The following CHUK variants were observed in gnomAD, a reference collection of about 807,000 sequenced individuals.
CHUK encodes the protein inhibitor of nuclear factor kappa-B kinase subunit alpha.
CHUK carries 35 observed loss-of-function variants against 104.8 expected under a neutral mutation model. The observed-to-expected ratio is 0.33, with a 90% CI of 0.26 to 0.44. CHUK has a LOEUF of 0.44. Among genes scored for constraint, CHUK ranks in the 20% least tolerant of loss-of-function variants. The probability of loss-of-function intolerance (pLI) is 1.00; values close to 1 mark genes in which losing one functional copy is unlikely to be tolerated. For missense variants in CHUK, 663 were observed against 902.7 expected, an observed-to-expected ratio of 0.73 and a Z score of 3.40; for synonymous variants, 276 against 291.9, an observed-to-expected ratio of 0.95 and a Z score of 0.56.
intron 17 of CHUK, 91 bp from the exon 18 acceptor site, chr10:100,194,222 T>C: frequency 7.1e-7 from 1 of 1,409,090 alleles, no homozygotes; most frequent in South Asian, 1.2e-5. Flanking sequence ...TGAACCACAA[T>C]CAGCATCAGA....
chr10:100,226,093 T>G, intron 1 of CHUK, 76 bp from the exon 2 acceptor site: 1 of 879,082 alleles, frequency 1.1e-6, no homozygotes, highest in South Asian at 1.4e-5. Flanking sequence ...AGAAATAACT[T>G]AAGACAACAA....
At chr10:100,212,617 A>C (rs1454665460) in intron 9 of CHUK, among the ~76,000 whole-genome samples, 1 of 152,046 alleles carries the variant, frequency 6.6e-6, no homozygotes, top group Admixed American at 6.6e-5. Flanking sequence ...TTTGTTGATT[A>C]TTTTTTCTAC....
intron 9 of CHUK, among the ~76,000 whole-genome samples, chr10:100,210,091 A>ATTTATTTATTTATTTTT (rs58570772): frequency 1.6e-5 from 2 of 121,830 alleles, no homozygotes; most frequent in Admixed American, 1.6e-4. Context: ...TTATTTATTT[A>ATTTATTTATTTATTTTT]TTTTTTTTTT....
At chr10:100,187,051 A>C (rs1845042918), downstream of CHUK, 1 of 152,274 alleles carries the variant, frequency 6.6e-6, no homozygotes, top group Admixed American at 6.5e-5. Context: ...CAGCAGGCAG[A>C]GCTCAAGGCG....
At chr10:100,215,235 AAG>A (rs1167085914) in intron 9 of CHUK, among the ~76,000 whole-genome samples, 44 of 151,564 alleles carry the variant, frequency 2.9e-4, no homozygotes, top group Admixed American at 1.1e-3. Context: ...AAAAAAAAAA[AAG>A]AAGTAGATTT....
intron 9 of CHUK, among the ~76,000 whole-genome samples, chr10:100,217,117 C>T (rs867197331): frequency 1.3e-5 from 2 of 151,750 alleles, no homozygotes; most frequent in Admixed American, 6.6e-5. Context: ...AGGTAGATAA[C>T]GGGTTTGAGG....
chr10:100,216,345 A>C (rs922863184), intron 9 of CHUK, among the ~76,000 whole-genome samples: 2 of 152,240 alleles, frequency 1.3e-5, no homozygotes, highest in Non-Finnish European at 2.9e-5. Flanking sequence ...AATCAAGAAG[A>C]AGCCAGGTAT....
rs968661447 is a variant in CHUK at position 100,217,661 on chromosome 10, G to A, written c.933+334C>T. ...GGAGGTGGAGGCGGGCAGATCACCTGAGGTCAGGAGTGCGAGACCAGCCTG... is the reference window on the plus strand; with the variant it reads ...GGAGGTGGAGGCGGGCAGATCACCTAAGGTCAGGAGTGCGAGACCAGCCTG... On this transcript the variant is annotated intron_variant, in intron 9 of 20. Coordinates refer to ENST00000370397, the MANE Select transcript of CHUK (RefSeq NM_001278.5). 2.0e-5 allele frequency among the ~76,000 whole-genome samples: 3 copies of A among 152,386 alleles called. No homozygotes were observed. In the South Asian group the frequency reaches 6.2e-4, roughly 32 times the overall value.
chr10:100,190,834 G>T, intron 20 of CHUK, 35 bp downstream of exon 20: 1 of 1,229,518 alleles, frequency 8.1e-7, no homozygotes, highest in Non-Finnish European at 1.2e-6. Flanking sequence ...ACCCAACATA[G>T]CCAAAGCAGG....
Position 100,188,546 on chromosome 10 carries a change from A to T in CHUK, c.*1052T>A, listed in dbSNP as rs559191949. On this transcript the variant is annotated 3_prime_UTR_variant, in exon 21 of 21. Transcript: ENST00000370397. The stretch of plus-strand genomic sequence containing the variant: ...ATTATGAAATTTTAGATTTTAGAAA[A>T]GTAGTTTTGTGCATATACCATACTA... The T allele has an allele frequency of 4.4e-4, 67 of 152,756 alleles. No individual in the cohort carries two copies. The highest frequency in any genetic ancestry group is 1.5e-3 in the African/African-American group (62 of 41,572). 9.5% of individuals were successfully genotyped at this position (152,756 alleles called of 1,614,324 possible).
At chr10:100,209,554 G>A (rs1845672834) in intron 10 of CHUK, 41 bp downstream of exon 10, 2 of 1,270,926 alleles carry the variant, frequency 1.6e-6, no homozygotes, top group African/African-American at 2.9e-5. Flanking sequence ...AATCCCTCTA[G>A]ATTTCACATA....
chr10:100,199,509 T>C (rs973186254), intron 16 of CHUK, among the ~76,000 whole-genome samples: 4 of 152,202 alleles, frequency 2.6e-5, no homozygotes, highest in African/African-American at 9.6e-5. Flanking sequence ...CTATTTTTAG[T>C]AGAGATGGGG....
Position 100,218,241 on chromosome 10 carries a change from G to C in CHUK, c.798-111C>G, listed in dbSNP as rs138775097. 7.3e-4 allele frequency: 667 copies of C among 917,774 alleles called. 2 individuals carry two copies. Among genetic ancestry groups the C allele is most frequent in the Admixed American group, 1.2e-3 (55 of 46,966 alleles). The allele number at this position is 917,774 out of a possible 1,614,324, so 56.9% of individuals were successfully genotyped here. ...GTCCATTTTCTTTCCCACATCACTT[G>C]TCTGTACCATTTCATAAATTACTTT... On this transcript the variant is annotated intron_variant, in intron 8 of 20. Transcript: ENST00000370397.
Position 100,205,131 on chromosome 10 carries a change from C to T in CHUK, c.1300G>A (p.Val434Met). The T allele has an allele frequency of 1.2e-6, 2 of 1,614,042 alleles. No homozygotes were observed. The highest frequency in any genetic ancestry group is 1.7e-6 in the Non-Finnish European group (2 of 1,179,888). Residue 434 changes from valine (V) to methionine (M), a missense_variant, in exon 12 of 21, where the codon GTG becomes ATG. Transcript: ENST00000370397. The stretch of plus-strand genomic sequence containing the variant: ...CTATAGTCTTCTTTTAGTCCAGACA[C>T]ATAGTGCACTGCTTCAGCCCACACT... ...RKVWAEAVHY[V>M]SGLKEDYSRL... is the part of the protein sequence containing the mutation.
Position 100,190,746 on chromosome 10 carries a change from T to C in CHUK, c.2208+123A>G, listed in dbSNP as rs1385461680. On this transcript the variant is annotated intron_variant, in intron 20 of 20. Transcript: ENST00000370397. ...GGTTGAGGATATTCCCCAAATGCTC[T>C]TTCCTCTTGAGTTCTTCTATTTCCC... 5 of 765,700 alleles carry C rather than the reference T, an allele frequency of 6.5e-6. No individual in the cohort carries two copies. In the East Asian group the frequency reaches 1.2e-4, roughly 19 times the overall value. 47.4% of individuals were successfully genotyped at this position (765,700 alleles called of 1,614,324 possible). A position where few individuals can be genotyped will look rare whatever the true frequency, so the allele number is the denominator to read the frequency against.
Position 100,205,080 on chromosome 10 carries a change from C to T in CHUK, c.1351G>A (p.Ala451Thr), listed in dbSNP as rs759782712. The T allele has an allele frequency of 6.2e-7, 1 of 1,614,128 alleles. No individual in the cohort carries two copies. The highest frequency in any genetic ancestry group is 1.1e-5 in the South Asian group (1 of 91,086). Residue 451 changes from alanine (A) to threonine (T), a missense_variant, in exon 12 of 21, where the codon GCA becomes ACA. Physicochemically the swap from Ala to Thr is moderately conservative, Grantham distance 58. This residue lies in a region of CHUK where 311 missense variants were observed against 393.4 expected (regional missense o/e 0.79). Coordinates refer to ENST00000370397, the MANE Select transcript of CHUK (RefSeq NM_001278.5). The stretch of plus-strand genomic sequence containing the variant: ...TAAACAACAGAATCCACTTACATTG[C>T]TGCCCTTTGTCCCTGAAAGAGCCTG... ...YSRLFQGQRA[A>T]MLSLLRYNAN...
rs1845425021 is a variant in CHUK at position 100,199,997 on chromosome 10, T to C, written c.1703A>G (p.Tyr568Cys). Residue 568 changes from tyrosine (Y) to cysteine (C), a missense_variant, in exon 16 of 21, where the codon TAT (tyrosine) becomes TGT (cysteine). This residue lies in a region of CHUK where 311 missense variants were observed against 393.4 expected (regional missense o/e 0.79). Coordinates refer to ENST00000370397, the MANE Select transcript of CHUK (RefSeq NM_001278.5). ...ESLEQRAIDL[Y>C]KQLKHRPSDH... is the part of the protein sequence containing the mutation. Reference sequence around the variant, plus strand: ...TGAAGGTCTGTGTTTTAACTGCTTATATAGATCAATGGCACGCTGTTCCCT... The same window carrying C: ...TGAAGGTCTGTGTTTTAACTGCTTACATAGATCAATGGCACGCTGTTCCCT... The C allele has an allele frequency of 6.2e-7, 1 of 1,612,952 alleles. No homozygotes were observed. The highest frequency in any genetic ancestry group is 8.5e-7 in the Non-Finnish European group (1 of 1,179,004).
chr10:100,205,008 C>T lies in CHUK; in HGVS notation c.1355+68G>A, dbSNP rs750296613. 161 of 1,572,786 alleles carry T rather than the reference C, an allele frequency of 1.0e-4. No individual in the cohort carries two copies. In the Middle Eastern group the frequency reaches 1.3e-3, roughly 13 times the overall value. On this transcript the variant is annotated intron_variant, in intron 12 of 20. Transcript: ENST00000370397. The stretch of plus-strand genomic sequence containing the variant: ...ACATGCAATATTGATTAGTGAAAAC[C>T]GGCAAGATTAATTCTTGAGTATATG...
intron 10 of CHUK, among the ~76,000 whole-genome samples, chr10:100,208,533 G>A (rs1845643952): frequency 6.6e-6 from 1 of 152,142 alleles, no homozygotes; most frequent in Admixed American, 6.5e-5. Context: ...CGGGTGCAGT[G>A]GCTCACGCCT....
Sources: allele counts gnomAD v4.1 joint callset (sites outside exome capture counted in the v4.1 genomes callset), GRCh38; gene constraint gnomAD v4.1.1; regional missense constraint gnomAD v4.1.1; transcripts MANE v1.5; gene names NCBI Gene and HGNC (gene_info 2026-07-23, HGNC 2026-07-21).